AKAP6: variants seen among roughly 807,000 people sequenced by gnomAD.
AKAP6 encodes A-kinase anchoring protein 6.
A neutral mutation model predicts 188.5 loss-of-function variants in AKAP6; 58 were observed. That is an observed-to-expected ratio of 0.31 (90% CI 0.25 to 0.38). The LOEUF (loss-of-function observed/expected upper bound fraction) is 0.38. Among genes scored for constraint, AKAP6 ranks in the 10% least tolerant of loss-of-function variants. The pLI, the probability that AKAP6 is intolerant of heterozygous loss-of-function variation, is 1.00. For missense variants in AKAP6, 2,710 were observed against 2,740.0 expected (o/e 0.99, Z 0.24); for synonymous variants, 989 against 998.6 (o/e 0.99, Z 0.18).
chr14:32,379,142 A>G (rs769629510), intron 1 of AKAP6, among the ~76,000 whole-genome samples: 2 of 151,936 alleles, frequency 1.3e-5, no homozygotes, highest in South Asian at 2.1e-4. Flanking sequence ...GCTGGTCTCA[A>G]ACTCCTGACC....
At chr14:32,677,145 T>C (rs1889465342) in intron 7 of AKAP6, among the ~76,000 whole-genome samples, 1 of 152,194 alleles carries the variant, frequency 6.6e-6, no homozygotes, top group Non-Finnish European at 1.5e-5. Flanking sequence ...TCATTTTTCA[T>C]AGGCTACCCA....
intron 8 of AKAP6, among the ~76,000 whole-genome samples, chr14:32,694,584 C>T (rs1380221056): frequency 6.6e-6 from 1 of 152,146 alleles, no homozygotes; most frequent in African/African-American, 2.4e-5. Context: ...CCGTCATTGG[C>T]ATCCAGTAAA....
At chr14:32,412,084 C>CA (rs1415977032) in intron 1 of AKAP6, among the ~76,000 whole-genome samples, 3 of 151,994 alleles carry the variant, frequency 2.0e-5, no homozygotes, top group Non-Finnish European at 4.4e-5. Flanking sequence ...AACAAGCAAA[C>CA]AAAAAAACAT....
chr14:32,796,983 GGACTC>G (rs2033788091), intron 12 of AKAP6, among the ~76,000 whole-genome samples: 1 of 149,814 alleles, frequency 6.7e-6, no homozygotes, highest in Non-Finnish European at 1.5e-5. Context: ...AGTGAGCAAA[GGACTC>G]TTCTCAAAAG....
chr14:32,779,867 T>C (rs2033187932), intron 12 of AKAP6, among the ~76,000 whole-genome samples: 2 of 152,094 alleles, frequency 1.3e-5, no homozygotes, highest in Admixed American at 6.5e-5. Context: ...TGAATAACAA[T>C]TGTTGGTGAG....
chr14:32,828,979 C>T (rs571335027), intron 13 of AKAP6, among the ~76,000 whole-genome samples: 1 of 152,286 alleles, frequency 6.6e-6, no homozygotes, highest in East Asian at 1.9e-4. Flanking sequence ...TCTTGAAGGA[C>T]AGTAAAACAA....
chr14:32,714,005 CTCTT>C (rs1373275522), intron 9 of AKAP6, among the ~76,000 whole-genome samples: 3 of 152,122 alleles, frequency 2.0e-5, no homozygotes, highest in East Asian at 1.9e-4. Flanking sequence ...TTTAGAGTGA[CTCTT>C]TCTTTCACTT....
intron 9 of AKAP6, among the ~76,000 whole-genome samples, chr14:32,717,538 C>T (rs1047314012): frequency 6.6e-6 from 1 of 151,828 alleles, no homozygotes; most frequent in African/African-American, 2.4e-5. Flanking sequence ...TGCATCTATG[C>T]ATCTCCATCA....
chr14:32,697,065 T>C (rs185398145), intron 9 of AKAP6, among the ~76,000 whole-genome samples: 12 of 152,300 alleles, frequency 7.9e-5, no homozygotes, highest in African/African-American at 2.9e-4. Flanking sequence ...CCTTCTAGTT[T>C]TTAAAAATTT....
chr14:32,710,573 G>A (rs1054111183), intron 9 of AKAP6, among the ~76,000 whole-genome samples: 12 of 151,994 alleles, frequency 7.9e-5, no homozygotes, highest in East Asian at 1.9e-4. Context: ...AGATAAATGG[G>A]AGGGAGGTTG....
chr14:32,608,546 A>G (rs1354651562), intron 7 of AKAP6, among the ~76,000 whole-genome samples: 2 of 151,552 alleles, frequency 1.3e-5, no homozygotes, highest in Non-Finnish European at 2.9e-5. Flanking sequence ...TTCACACTAT[A>G]CTTCCATTGC....
chr14:32,408,323 C>T (rs968532889), intron 1 of AKAP6, among the ~76,000 whole-genome samples: 5 of 151,958 alleles, frequency 3.3e-5, no homozygotes, highest in Admixed American at 1.3e-4. Context: ...GTCTTGTAAA[C>T]GTAGTTGTAA....
chr14:32,626,868 T>C (rs1242045628), intron 7 of AKAP6, among the ~76,000 whole-genome samples: 1 of 152,132 alleles, frequency 6.6e-6, no homozygotes, highest in African/African-American at 2.4e-5. Context: ...ATACCTTTCA[T>C]CTTCATTTTC....
At chr14:32,765,367 A>G (rs959378850) in intron 11 of AKAP6, among the ~76,000 whole-genome samples, 1 of 152,162 alleles carries the variant, frequency 6.6e-6, no homozygotes, top group Admixed American at 6.5e-5. Flanking sequence ...CAGGTCTCTC[A>G]TTTTTGCACT....
chr14:32,769,093 G>C (rs1435557116), intron 11 of AKAP6, among the ~76,000 whole-genome samples: 4 of 110,220 alleles, frequency 3.6e-5, no homozygotes. Flanking sequence ...TGTAGCCCAG[G>C]CTGCAGTGCA....
intron 2 of AKAP6, among the ~76,000 whole-genome samples, chr14:32,456,948 A>G (rs547626035): frequency 6.6e-6 from 1 of 152,324 alleles, no homozygotes; most frequent in African/African-American, 2.4e-5. Flanking sequence ...TACTTTTAAA[A>G]CTTCAAAATA....
At chr14:32,505,655 A>G (rs1028351252) in intron 2 of AKAP6, among the ~76,000 whole-genome samples, 1 of 152,164 alleles carries the variant, frequency 6.6e-6, no homozygotes, top group African/African-American at 2.4e-5. Flanking sequence ...TGTTATGTGT[A>G]AAGTATTATG....
intron 2 of AKAP6, among the ~76,000 whole-genome samples, chr14:32,463,397 A>G (rs6571522): frequency 0.38 from 57,682 of 152,140 alleles, 14,383 homozygotes; most frequent in African/African-American, 0.71. Context: ...CATAACAAAC[A>G]GTCTCTCAGA....
intron 4 of AKAP6, among the ~76,000 whole-genome samples, chr14:32,563,493 G>C (rs112649760): frequency 1.4e-4 from 22 of 152,238 alleles, no homozygotes; most frequent in East Asian, 5.8e-4. Flanking sequence ...AGTACTGTGG[G>C]GGGGGAAGGG....
Sources: gnomAD v4.1 joint callset for allele counts (sites outside exome capture counted in the v4.1 genomes callset) on GRCh38, gnomAD v4.1.1 for gene constraint, MANE v1.5 for transcripts, NCBI Gene and HGNC (gene_info 2026-07-23, HGNC 2026-07-21) for gene names.